The following CPSF3 variants were observed in gnomAD, a reference collection of about 807,000 sequenced individuals.
CPSF3 encodes the protein cleavage and polyadenylation specificity factor subunit 3.
CPSF3 carries 57 observed loss-of-function variants against 84.1 expected under a neutral mutation model. The observed-to-expected ratio is 0.68, with a 90% confidence interval of 0.55 to 0.85. The LOEUF is 0.85. Among genes scored for constraint, CPSF3 ranks in the 40% least tolerant of loss-of-function variants. The probability of loss-of-function intolerance (pLI) is 0.00; values close to 1 mark genes in which losing one functional copy is unlikely to be tolerated. For synonymous variants in CPSF3, 275 were observed against 278.1 expected, an observed-to-expected ratio of 0.99 and a Z score of 0.11; for missense variants, 522 against 838.8, an observed-to-expected ratio of 0.62 and a Z score of 4.66.
intron 10 of CPSF3, among the ~76,000 whole-genome samples, chr2:9,447,962 A>G (rs10176656): frequency 0.16 from 24,975 of 152,226 alleles, 2,248 homozygotes; most frequent in Middle Eastern, 0.29. Flanking sequence ...AGACTGGAGT[A>G]GAAAAGAAGT....
chr2:9,464,327 T>C (rs1224568414), intron 15 of CPSF3, among the ~76,000 whole-genome samples: 2 of 152,156 alleles, frequency 1.3e-5, no homozygotes, highest in Non-Finnish European at 2.9e-5. Context: ...TTTGTCTAAA[T>C]ATTAATGCAG....
At chr2:9,437,752 G>A (rs1680835353) in intron 7 of CPSF3, among the ~76,000 whole-genome samples, 1 of 152,184 alleles carries the variant, frequency 6.6e-6, no homozygotes, top group Non-Finnish European at 1.5e-5. Context: ...CCTAATTCCA[G>A]CACCTTGAGA....
intron 15 of CPSF3, among the ~76,000 whole-genome samples, chr2:9,464,465 G>A (rs1275396828): frequency 6.6e-6 from 1 of 151,962 alleles, no homozygotes. Flanking sequence ...TGTCAATTAA[G>A]TGCTTATTTT....
At chr2:9,451,135 T>C (rs1240660258) in intron 11 of CPSF3, among the ~76,000 whole-genome samples, 1 of 152,318 alleles carries the variant, frequency 6.6e-6, no homozygotes, top group Non-Finnish European at 1.5e-5. Context: ...CAGGAAAAGT[T>C]GGGTTTCTTA....
At position 9,471,458 on chromosome 2, in the gene CPSF3, C is replaced by T; in HGVS notation, c.1953+19C>T. The T allele has an allele frequency of 6.9e-7, 1 of 1,439,566 alleles. No individual in the cohort carries two copies. Among genetic ancestry groups the T allele is most frequent in the Non-Finnish European group, 9.8e-7 (1 of 1,021,110 alleles). 89.2% of individuals were successfully genotyped at this position (1,439,566 alleles called of 1,614,324 possible). The stretch of plus-strand genomic sequence containing the variant: ...GACACGGGTATGTAGCTGCTCTTTC[C>T]TACGTTTCAAGACATTTGGGAAATA... On this transcript the variant is annotated intron_variant, in intron 17 of 17. Coordinates refer to ENST00000238112, the MANE Select transcript of CPSF3 (RefSeq NM_016207.4).
intron 17 of CPSF3, among the ~76,000 whole-genome samples, chr2:9,472,032 G>T (rs1160924285): frequency 6.8e-6 from 1 of 146,054 alleles, no homozygotes; most frequent in Non-Finnish European, 1.5e-5. Context: ...AAGAACTAGA[G>T]GCCAGGCGTG....
Position 9,469,268 on chromosome 2 carries a change from G to A in CPSF3, c.1856+1492G>A, listed in dbSNP as rs1682081374. Among the ~76,000 whole-genome samples, 5 of 152,230 alleles carry A rather than the reference G, an allele frequency of 3.3e-5. No individual in the cohort carries two copies. The South Asian group carries it at 1.0e-3, about 32-fold the overall frequency. ...CAGGTAAGGCTGTGGGGCGGGGGCA[G>A]GGGACACACATATATGCAGTTTTAC... is the stretch of plus-strand genomic sequence containing the variant. On this transcript the variant is annotated intron_variant, in intron 16 of 17. Transcript: ENST00000238112.
At chr2:9,432,735 A>C (rs1169087066) in intron 5 of CPSF3, 47 bp downstream of exon 5, 2 of 1,406,806 alleles carry the variant, frequency 1.4e-6, no homozygotes, top group East Asian at 2.4e-5. Flanking sequence ...ATCAGTACAG[A>C]GCTTTGTGCC....
chr2:9,450,672 C>T (rs78453705), intron 11 of CPSF3, among the ~76,000 whole-genome samples: 10,559 of 152,126 alleles, frequency 0.069, 1,256 homozygotes, highest in African/African-American at 0.24. Context: ...ACTGCAGTCC[C>T]AGCCACTCGG....
At chr2:9,454,866 A>T (rs1469510693) in intron 12 of CPSF3, among the ~76,000 whole-genome samples, 1 of 151,972 alleles carries the variant, frequency 6.6e-6, no homozygotes, top group Non-Finnish European at 1.5e-5. Flanking sequence ...CTTATGCCAC[A>T]TAGTCCCAGC....
chr2:9,472,352 T>C (rs1360758361), intron 17 of CPSF3, among the ~76,000 whole-genome samples: 1 of 151,450 alleles, frequency 6.6e-6, no homozygotes, highest in Non-Finnish European at 1.5e-5. Context: ...AACTAGAAGA[T>C]TATTAGTGAG....
chr2:9,464,651 G>A (rs1681841239), intron 15 of CPSF3, among the ~76,000 whole-genome samples: 1 of 151,880 alleles, frequency 6.6e-6, no homozygotes, highest in Non-Finnish European at 1.5e-5. Flanking sequence ...GAGTACAGTG[G>A]TGCAATCTCA....
chr2:9,423,997 A>C, intron 1 of CPSF3, 174 bp downstream of exon 1: 1 of 1,423,622 alleles, frequency 7.0e-7, no homozygotes, highest in Non-Finnish European at 9.2e-7. Flanking sequence ...CGTTGATCGG[A>C]AGGGGCCTGC....
At chr2:9,436,103 C>A in intron 6 of CPSF3, 108 bp from the exon 7 acceptor site, 1 of 883,762 alleles carries the variant, frequency 1.1e-6, no homozygotes. Flanking sequence ...AAATGACATG[C>A]TAATGGAGAA....
intron 17 of CPSF3, among the ~76,000 whole-genome samples, chr2:9,471,906 T>C (rs1422388901): frequency 6.7e-6 from 1 of 150,282 alleles, no homozygotes; most frequent in Non-Finnish European, 1.5e-5. Flanking sequence ...CTCAGGAGGC[T>C]GAGGCAGGAG....
At chr2:9,466,380 TCGCACACA>T (rs1681972454) in intron 15 of CPSF3, among the ~76,000 whole-genome samples, 1 of 130,184 alleles carries the variant, frequency 7.7e-6, no homozygotes, top group Non-Finnish European at 1.6e-5. Context: ...ACCCACGCAC[TCGCACACA>T]CGCGCACACA....
chr2:9,434,787 G>C (rs1445972274), intron 6 of CPSF3, among the ~76,000 whole-genome samples: 1 of 152,208 alleles, frequency 6.6e-6, no homozygotes, highest in Non-Finnish European at 1.5e-5. Context: ...GCTGACTGTA[G>C]AGTCAGGGGT....
In CPSF3 at chr2:9,439,086, G is replaced by C. The variant is rs558970272; in HGVS notation, c.761-1405G>C. On this transcript the variant is annotated intron_variant, in intron 7 of 17. Transcript: ENST00000238112. ...TCATAAGAGTAATAAATCATGAATG[G>C]GATAAACTAGAAGACAAAGCAGGAA... 1.1e-4 allele frequency among the ~76,000 whole-genome samples: 16 copies of C among 152,200 alleles called. No individual in the cohort carries two copies. In the East Asian group the frequency reaches 2.7e-3, roughly 26 times the overall value.
intron 10 of CPSF3, among the ~76,000 whole-genome samples, chr2:9,446,597 A>AG (rs577577440): frequency 7.3e-4 from 110 of 151,454 alleles, no homozygotes; most frequent in Non-Finnish European, 1.3e-3. Flanking sequence ...AAAAAAAAAA[A>AG]AAAGTATAAA....
Sources: gnomAD v4.1 joint callset for allele counts (sites outside exome capture counted in the v4.1 genomes callset) on GRCh38, gnomAD v4.1.1 for gene constraint, MANE v1.5 for transcripts, NCBI Gene and HGNC (gene_info 2026-07-23, HGNC 2026-07-21) for gene names.